RAB11FIP4: variants seen among roughly 807,000 people sequenced by gnomAD.
RAB11FIP4 encodes rab11 family-interacting protein 4.
A neutral mutation model predicts 74.3 loss-of-function variants in RAB11FIP4; 23 were observed. That is an observed-to-expected ratio of 0.31 (90% CI 0.22 to 0.44). The LOEUF (loss-of-function observed/expected upper bound fraction) is 0.44, where lower values mean the gene tolerates loss of function less well. Among genes scored for constraint, RAB11FIP4 ranks in the 20% least tolerant of loss-of-function variants. The pLI is 1.00. For synonymous variants in RAB11FIP4, 360 were observed against 359.9 expected, an observed-to-expected ratio of 1.00 and a Z score of 0.00; for missense variants, 630 against 863.9, an observed-to-expected ratio of 0.73 and a Z score of 3.39.
At chr17:31,438,720 T>C (rs2071383133) in intron 3 of RAB11FIP4, among the ~76,000 whole-genome samples, 1 of 152,206 alleles carries the variant, frequency 6.6e-6, no homozygotes, top group Non-Finnish European at 1.5e-5. Flanking sequence ...CCCCGTTTCC[T>C]GAGAAAGCCA....
intron 3 of RAB11FIP4, among the ~76,000 whole-genome samples, chr17:31,451,187 G>A (rs1163614745): frequency 6.6e-6 from 1 of 152,188 alleles, no homozygotes; most frequent in Non-Finnish European, 1.5e-5. Context: ...GGCTGGGCAT[G>A]GTGGCTCACA....
rs78692619 is a variant in RAB11FIP4, at chr17:31,448,648, A to G, written c.336+14526A>G. Among the ~76,000 whole-genome samples the G allele has an allele frequency of 4.5e-3, 682 of 152,158 alleles. 8 individuals carry two copies. The highest frequency in any genetic ancestry group is 0.015 in the African/African-American group (641 of 41,494). On this transcript the variant is annotated intron_variant, in intron 3 of 14. Coordinates refer to ENST00000621161, the MANE Select transcript of RAB11FIP4 (RefSeq NM_032932.6). The stretch of plus-strand genomic sequence containing the variant: ...GTGGCTGAGGCCTGGAATGAGCTCC[A>G]TGGGCAGGCTCCAGGAATGATGTAA...
intron 1 of RAB11FIP4, among the ~76,000 whole-genome samples, chr17:31,400,998 G>A (rs528741338): frequency 7.9e-5 from 12 of 152,328 alleles, no homozygotes; most frequent in African/African-American, 2.6e-4. Flanking sequence ...GCCGGGAGCG[G>A]TGGCTCATGC....
At chr17:31,398,694 C>G (rs1290359261) in intron 1 of RAB11FIP4, among the ~76,000 whole-genome samples, 1 of 152,220 alleles carries the variant, frequency 6.6e-6, no homozygotes, top group East Asian at 1.9e-4. Context: ...GGCAGCGTGG[C>G]TTTCAGACCT....
chr17:31,459,790 C>T (rs1468470985), intron 3 of RAB11FIP4, among the ~76,000 whole-genome samples: 3 of 151,892 alleles, frequency 2.0e-5, no homozygotes, highest in Middle Eastern at 3.4e-3. Context: ...CAGTCCCTCC[C>T]CACGGCCCCA....
chr17:31,525,132 G>T lies in RAB11FIP4; in HGVS notation c.1176G>T (p.Thr392=). ...LEEMVKDQET[T]AEQALEEEAR... Reference sequence around the variant, plus strand: ...AGATGGTGAAGGATCAGGAGACCACGGCCGAGCAGGCTCTGGAGGAGGAGG... The same window carrying T: ...AGATGGTGAAGGATCAGGAGACCACTGCCGAGCAGGCTCTGGAGGAGGAGG... Residue 392 remains threonine (T), a synonymous_variant, in exon 10 of 15, where the codon ACG becomes ACT. Coordinates refer to ENST00000621161, the MANE Select transcript of RAB11FIP4 (RefSeq NM_032932.6). 6.5e-7 allele frequency: 1 copy of T among 1,550,196 alleles called. No homozygotes were observed. The highest frequency in any genetic ancestry group is 8.7e-7 in the Non-Finnish European group (1 of 1,147,054).
rs182853062 is a variant in RAB11FIP4, at chr17:31,503,097, A to G, written c.337-14554A>G. ...GCCCAGGCTGGAGTGCAGTGGCACT[A>G]TCTCGGCTCACTGCAACCTCCACCT... is the stretch of plus-strand genomic sequence containing the variant. On this transcript the variant is annotated intron_variant, in intron 3 of 14. Transcript: ENST00000621161. 4.7e-4 allele frequency among the ~76,000 whole-genome samples: 72 copies of G among 152,276 alleles called. No individual in the cohort carries two copies. The East Asian group carries it at 0.014, about 29-fold the overall frequency.
At chr17:31,446,270 T>C (rs2071463013) in intron 3 of RAB11FIP4, among the ~76,000 whole-genome samples, 1 of 152,136 alleles carries the variant, frequency 6.6e-6, no homozygotes, top group African/African-American at 2.4e-5. Flanking sequence ...TGGCACCCAC[T>C]CAGTGGGCCT....
At chr17:31,515,504 C>T (rs1170927743) in intron 3 of RAB11FIP4, among the ~76,000 whole-genome samples, 1 of 143,152 alleles carries the variant, frequency 7.0e-6, no homozygotes, top group African/African-American at 2.5e-5. Flanking sequence ...GGGACGGACC[C>T]CCAGGAGGGC....
chr17:31,496,248 C>T (rs1304670896), intron 3 of RAB11FIP4, among the ~76,000 whole-genome samples: 1 of 152,204 alleles, frequency 6.6e-6, no homozygotes, highest in East Asian at 1.9e-4. Flanking sequence ...AGCTTTATGG[C>T]TCGCCAGCTG....
At chr17:31,434,802 G>A (rs1347439594) in intron 3 of RAB11FIP4, among the ~76,000 whole-genome samples, 2 of 152,258 alleles carry the variant, frequency 1.3e-5, no homozygotes, top group Non-Finnish European at 2.9e-5. Flanking sequence ...GGGGAGCAGG[G>A]ATGCAGAGCT....
rs565213446 is a variant in RAB11FIP4 at position 31,526,481 on chromosome 17, G to A, written c.1274+1251G>A. Reference sequence around the variant, plus strand: ...TGGTGGGGCTGAATTCCTCTCTGGAGCCCAGAGGGCAGTGGAGGCCCAGAA... The same window carrying A: ...TGGTGGGGCTGAATTCCTCTCTGGAACCCAGAGGGCAGTGGAGGCCCAGAA... On this transcript the variant is annotated intron_variant, in intron 10 of 14. Transcript: ENST00000621161. 5.9e-5 allele frequency: 9 copies of A among 152,372 alleles called. No individual in the cohort carries two copies. In the East Asian group the frequency reaches 1.5e-3, roughly 26 times the overall value. The allele number at this position is 152,372 out of a possible 1,614,324, so 9.4% of individuals were successfully genotyped here.
intron 3 of RAB11FIP4, among the ~76,000 whole-genome samples, chr17:31,493,048 G>T (rs565601484): frequency 5.3e-5 from 8 of 152,216 alleles, no homozygotes; most frequent in African/African-American, 1.9e-4. Context: ...GCCCAGAGCT[G>T]TGGGGTCTGA....
intron 3 of RAB11FIP4, among the ~76,000 whole-genome samples, chr17:31,468,305 C>G (rs1257881726): frequency 6.6e-6 from 1 of 152,182 alleles, no homozygotes; most frequent in Non-Finnish European, 1.5e-5. Flanking sequence ...CAGGCAGACA[C>G]ATGCCACCAC....
intron 1 of RAB11FIP4, among the ~76,000 whole-genome samples, chr17:31,402,876 T>A (rs112426757): frequency 1.3e-5 from 2 of 151,760 alleles, no homozygotes; most frequent in Admixed American, 1.3e-4. Context: ...CCACCCGCCT[T>A]GGCCTCCCAA....
At chr17:31,421,376 G>A (rs1184331708) in intron 1 of RAB11FIP4, among the ~76,000 whole-genome samples, 1 of 151,738 alleles carries the variant, frequency 6.6e-6, no homozygotes, top group Admixed American at 6.6e-5. Context: ...AGGACACCAT[G>A]CCCAGCTAAT....
intron 1 of RAB11FIP4, among the ~76,000 whole-genome samples, chr17:31,416,073 A>T (rs2071144877): frequency 6.6e-6 from 1 of 152,222 alleles, no homozygotes; most frequent in Non-Finnish European, 1.5e-5. Context: ...GTGGTACCTT[A>T]TCGAAGCCCA....
intron 3 of RAB11FIP4, among the ~76,000 whole-genome samples, chr17:31,507,509 A>G (rs2072373565): frequency 6.6e-6 from 1 of 152,156 alleles, no homozygotes; most frequent in Non-Finnish European, 1.5e-5. Flanking sequence ...AGAAACACCT[A>G]TTCAGATCTT....
chr17:31,394,959 C>T (rs1004579986), intron 1 of RAB11FIP4, among the ~76,000 whole-genome samples: 2 of 148,430 alleles, frequency 1.3e-5, no homozygotes, highest in South Asian at 2.1e-4. Context: ...GGCTCCCTTA[C>T]GAAATGCAGT....
Sources: allele counts gnomAD v4.1 joint callset (sites outside exome capture counted in the v4.1 genomes callset), GRCh38; gene constraint gnomAD v4.1.1; transcripts MANE v1.5; gene names NCBI Gene and HGNC (gene_info 2026-07-23, HGNC 2026-07-21).